The following MLLT3 variants were observed in gnomAD, a reference collection of about 807,000 sequenced individuals.
The protein encoded by MLLT3 is protein AF-9.
A neutral mutation model predicts 53.2 loss-of-function variants in MLLT3; 4 were observed. That is an observed-to-expected ratio of 0.08 (90% CI 0.04 to 0.17). The LOEUF (loss-of-function observed/expected upper bound fraction) is 0.17. MLLT3 is among the 10% of genes least tolerant of loss of function. MLLT3 has a pLI of 1.00. For synonymous variants in MLLT3, 283 were observed against 230.6 expected (o/e 1.23, Z -2.06); for missense variants, 569 against 684.0 (o/e 0.83, Z 1.87).
At chr9:20,456,024 C>T (rs1444827369) in intron 3 of MLLT3, among the ~76,000 whole-genome samples, 1 of 151,202 alleles carries the variant, frequency 6.6e-6, no homozygotes, top group Admixed American at 6.6e-5. Flanking sequence ...CTGCCATCTC[C>T]GTCTCCCAGG....
chr9:20,452,000 C>T (rs938901450), intron 3 of MLLT3, among the ~76,000 whole-genome samples: 5 of 152,116 alleles, frequency 3.3e-5, no homozygotes, highest in Non-Finnish European at 7.4e-5. Context: ...TTGACCCTGA[C>T]AGCTCAAATA....
chr9:20,478,751 G>A (rs374501401), intron 2 of MLLT3, among the ~76,000 whole-genome samples: 16 of 152,202 alleles, frequency 1.1e-4, no homozygotes, highest in African/African-American at 3.4e-4. Context: ...AGCTTTCCTC[G>A]TGTTTAACAA....
chr9:20,553,562 G>A (rs995830493), intron 2 of MLLT3, among the ~76,000 whole-genome samples: 3 of 152,132 alleles, frequency 2.0e-5, no homozygotes, highest in East Asian at 1.9e-4. Flanking sequence ...TGGAATGAAC[G>A]ATTTGTCTAT....
Position 20,576,639 on chromosome 9 carries a change from C to T in MLLT3, c.193+44015G>A, listed in dbSNP as rs75134688. On this transcript the variant is annotated intron_variant, in intron 2 of 10. Transcript: ENST00000380338. Reference sequence around the variant, plus strand: ...TCTAGTTCGCCATCTTATATGGGCACGCTTCATGGCAACACAAAACAATTA... The same window carrying T: ...TCTAGTTCGCCATCTTATATGGGCATGCTTCATGGCAACACAAAACAATTA... Among the ~76,000 whole-genome samples the T allele has an allele frequency of 3.9e-3, 588 of 152,080 alleles. 1 individual carries two copies. Among genetic ancestry groups the T allele is most frequent in the African/African-American group, 0.013 (551 of 41,476 alleles).
At position 20,427,295 on chromosome 9, in the gene MLLT3, G is replaced by C. The variant is rs147607777; in HGVS notation, c.421-12870C>G. On this transcript the variant is annotated intron_variant, in intron 4 of 10. Transcript: ENST00000380338. ...TGGGCCACTGAAAAGAAACAAATACGACTTTAAGAAATGAAAAAAAAAAAA... is the reference window on the plus strand; with the variant it reads ...TGGGCCACTGAAAAGAAACAAATACCACTTTAAGAAATGAAAAAAAAAAAA... 2.7e-5 allele frequency among the ~76,000 whole-genome samples: 4 copies of C among 148,440 alleles called. No homozygotes were observed. The East Asian group carries it at 5.9e-4, about 22-fold the overall frequency.
At chr9:20,505,781 G>A (rs988266125) in intron 2 of MLLT3, among the ~76,000 whole-genome samples, 3 of 152,078 alleles carry the variant, frequency 2.0e-5, no homozygotes, top group Admixed American at 6.5e-5. Flanking sequence ...GCGTCACCTC[G>A]GAAGGCTTAT....
chr9:20,358,390 A>G (rs1821227098), intron 8 of MLLT3, among the ~76,000 whole-genome samples: 1 of 152,222 alleles, frequency 6.6e-6, no homozygotes, highest in Non-Finnish European at 1.5e-5. Flanking sequence ...ATAATACAGT[A>G]TTATTGGCAG....
intron 2 of MLLT3, among the ~76,000 whole-genome samples, chr9:20,577,301 C>A (rs539895625): frequency 6.6e-6 from 1 of 152,282 alleles, no homozygotes; most frequent in East Asian, 1.9e-4. Flanking sequence ...AGGCTAGACA[C>A]TAACCTGATA....
intron 5 of MLLT3, among the ~76,000 whole-genome samples, chr9:20,380,775 A>G (rs1457643251): frequency 6.6e-6 from 1 of 152,020 alleles, no homozygotes; most frequent in Non-Finnish European, 1.5e-5. Flanking sequence ...TATCTTAGGA[A>G]CAATGTGAAA....
Position 20,622,296 on chromosome 9 carries a change from C to CCCCCCCCTCCTCCG in MLLT3, c.-54_-41dup, listed in dbSNP as rs1250944967. 2 of 1,409,824 alleles carry CCCCCCCCTCCTCCG rather than the reference C, an allele frequency of 1.4e-6. No homozygotes were observed. Among genetic ancestry groups the CCCCCCCCTCCTCCG allele is most frequent in the African/African-American group, 1.5e-5 (1 of 68,152 alleles). The allele number at this position is 1,409,824 out of a possible 1,614,324, so 87.3% of individuals were successfully genotyped here. On this transcript the variant is annotated 5_prime_UTR_variant, in exon 1 of 11. Transcript: ENST00000380338. ...AGGTTTGCTGGGGTGTTGTGTGGTA[C>CCCCCCCCTCCTCCG]CCCCCCCTCCTCCGCCCCCCCTCAG...
At chr9:20,413,629 A>G (rs1035512183) in intron 5 of MLLT3, 92 bp downstream of exon 5, 8 of 1,097,410 alleles carry the variant, frequency 7.3e-6, no homozygotes, top group Non-Finnish European at 1.0e-5. Context: ...ATGGCTCAGC[A>G]TTCATTTTCT....
intron 9 of MLLT3, among the ~76,000 whole-genome samples, chr9:20,353,898 G>A (rs1385848968): frequency 2.0e-5 from 3 of 152,034 alleles, no homozygotes. Context: ...CTCTACAAAA[G>A]GTAGGGAAAT....
chr9:20,567,160 G>A (rs1587077814), intron 2 of MLLT3, among the ~76,000 whole-genome samples: 2 of 119,074 alleles, frequency 1.7e-5, no homozygotes, highest in East Asian at 2.5e-4. Flanking sequence ...AGCACAAGAG[G>A]AAATGTTATC....
At position 20,621,997 on chromosome 9, in the gene MLLT3, C is replaced by A. The variant is rs1038270228; in HGVS notation, c.12+248G>T. On this transcript the variant is annotated intron_variant, in intron 1 of 10. Transcript: ENST00000380338. This position sits in a 1 kb window ranked among gnomAD's most constrained non-coding sequence, Gnocchi z 7.0. ...GCAAAGAGGCGAGGAGGGAGGGAGGCGCGGGGGGTGGAGGGGCGAGTGTGA... is the reference window on the plus strand; with the variant it reads ...GCAAAGAGGCGAGGAGGGAGGGAGGAGCGGGGGGTGGAGGGGCGAGTGTGA... 6 of 1,274,998 alleles carry A rather than the reference C, an allele frequency of 4.7e-6. No individual in the cohort carries two copies. In the South Asian group the frequency reaches 1.0e-4, roughly 22 times the overall value. The allele number at this position is 1,274,998 out of a possible 1,614,324, so 79.0% of individuals were successfully genotyped here.
At chr9:20,602,532 C>G (rs372467154) in intron 2 of MLLT3, among the ~76,000 whole-genome samples, 108 of 152,216 alleles carry the variant, frequency 7.1e-4, no homozygotes, top group African/African-American at 2.5e-3. Flanking sequence ...GGGATGGGCA[C>G]ATAGACACAC....
chr9:20,510,716 T>G (rs770047080), intron 2 of MLLT3, among the ~76,000 whole-genome samples: 2 of 151,994 alleles, frequency 1.3e-5, no homozygotes, highest in African/African-American at 2.4e-5. Flanking sequence ...ATACATTACT[T>G]GGGAGAGGGG....
In MLLT3 at chr9:20,605,587, A is replaced by C. The variant is rs559877778; in HGVS notation, c.193+15067T>G. ...TTCCCCATTTCAATATTTATGATGC[A>C]TATGTAACTATATTGTCTTACTCAA... is the stretch of plus-strand genomic sequence containing the variant. On this transcript the variant is annotated intron_variant, in intron 2 of 10. Transcript: ENST00000380338. Among the ~76,000 whole-genome samples, 5 of 152,188 alleles carry C rather than the reference A, an allele frequency of 3.3e-5. 1 individual carries two copies. The South Asian group carries it at 1.0e-3, about 31-fold the overall frequency.
chr9:20,515,228 G>A (rs1042847340), intron 2 of MLLT3, among the ~76,000 whole-genome samples: 6 of 152,130 alleles, frequency 3.9e-5, no homozygotes, highest in Admixed American at 6.5e-5. Context: ...TTACAGGCGT[G>A]AGCCACTGCG....
In MLLT3 at chr9:20,523,812, A is replaced by T. The variant is rs561939759; in HGVS notation, c.194-67026T>A. ...GGAGAAACCCCATCTCTACAAAAAA[A>T]ATACAAAAATTTGCCAGGCATTGTG... On this transcript the variant is annotated intron_variant, in intron 2 of 10. Coordinates refer to ENST00000380338, the MANE Select transcript of MLLT3 (RefSeq NM_004529.4). Among the ~76,000 whole-genome samples the T allele has an allele frequency of 2.2e-4, 34 of 152,250 alleles. 1 individual carries two copies. The highest frequency in any genetic ancestry group is 3.4e-3 in the Middle Eastern group (1 of 294).
Sources: allele counts gnomAD v4.1 joint callset (sites outside exome capture counted in the v4.1 genomes callset), GRCh38; gene constraint gnomAD v4.1.1; non-coding constraint Gnocchi (gnomAD v3.1); transcripts MANE v1.5; gene names NCBI Gene and HGNC (gene_info 2026-07-23, HGNC 2026-07-21).